The following LRPPRC variants were observed in gnomAD, a reference collection of about 807,000 sequenced individuals.
The protein encoded by LRPPRC is leucine-rich PPR motif-containing protein, mitochondrial.
LRPPRC carries 120 observed loss-of-function variants against 180.3 expected under a neutral mutation model. That is an observed-to-expected ratio of 0.67 (90% CI 0.57 to 0.77). The LOEUF (loss-of-function observed/expected upper bound fraction) is 0.77. LRPPRC is among the 30% of genes least tolerant of loss of function. The pLI is 0.00. For synonymous variants in LRPPRC, 723 were observed against 600.0 expected (o/e 1.21, Z -3.00); for missense variants, 2,012 against 1,657.2 (o/e 1.21, Z -3.72).
intron 11 of LRPPRC, among the ~76,000 whole-genome samples, chr2:43,966,416 T>C (rs534587571): frequency 6.7e-6 from 1 of 148,744 alleles, no homozygotes; most frequent in East Asian, 2.0e-4. Context: ...GCCACAATAT[T>C]TTTTTTTTTT....
At chr2:43,986,416 C>T (rs1572583012) in intron 1 of LRPPRC, among the ~76,000 whole-genome samples, 1 of 152,200 alleles carries the variant, frequency 6.6e-6, no homozygotes, top group East Asian at 1.9e-4. Flanking sequence ...AGGCATGAGC[C>T]ACCATGCCCA....
At chr2:43,965,446 C>T (rs922184566) in intron 11 of LRPPRC, among the ~76,000 whole-genome samples, 4 of 152,132 alleles carry the variant, frequency 2.6e-5, no homozygotes, top group African/African-American at 9.7e-5. Context: ...TAGAAGAAAA[C>T]ACTGGCCTTG....
chr2:43,905,664 G>A lies in LRPPRC; in HGVS notation c.3364+28C>T, dbSNP rs772867737. The A allele has an allele frequency of 4.6e-5, 69 of 1,505,096 alleles. 4 individuals are homozygous for A. In the South Asian group the frequency reaches 7.4e-4, roughly 16 times the overall value. The allele number at this position is 1,505,096 out of a possible 1,614,324, so 93.2% of individuals were successfully genotyped here. On this transcript the variant is annotated intron_variant, in intron 31 of 37. Transcript: ENST00000260665. ...GAAAAATCTGCAGAGGCATTAATGT[G>A]ACGTAAAGGTCAAGCATTGTGACAT...
Position 43,934,803 on chromosome 2 carries a change from A to G in LRPPRC, c.2580T>C (p.Asp860=). The stretch of plus-strand genomic sequence containing the variant: ...CTTTCTCTACCAGTTTACACAAGAC[A>G]TCATGAATCCTTGGTAATACTTTAT... The part of the protein sequence containing the change: ...EKYKVLPRIH[D]VLCKLVEKGE... Residue 860 remains aspartate (D), a synonymous_variant, in exon 24 of 38, where the codon GAT becomes GAC. Coordinates refer to ENST00000260665, the MANE Select transcript of LRPPRC (RefSeq NM_133259.4). The G allele has an allele frequency of 6.2e-7, 1 of 1,611,050 alleles. No homozygotes were observed. The highest frequency in any genetic ancestry group is 8.5e-7 in the Non-Finnish European group (1 of 1,177,220).
At chr2:43,934,705 A>G (rs1042279785) in intron 24 of LRPPRC, 49 bp downstream of exon 24, 1 of 1,557,354 alleles carries the variant, frequency 6.4e-7, no homozygotes, top group South Asian at 1.1e-5. Flanking sequence ...AGATTAAATC[A>G]GCAAGAAGGG....
At chr2:43,919,613 T>C (rs1572919592) in intron 27 of LRPPRC, among the ~76,000 whole-genome samples, 1 of 152,122 alleles carries the variant, frequency 6.6e-6, no homozygotes, top group African/African-American at 2.4e-5. Flanking sequence ...TCTTTACAAA[T>C]AGCAAAAACT....
chr2:43,908,539 C>CT (rs910873293), intron 30 of LRPPRC, among the ~76,000 whole-genome samples: 33 of 148,574 alleles, frequency 2.2e-4, no homozygotes, highest in Admixed American at 3.4e-4. Context: ...AAACTATGGC[C>CT]TTTTTTTTTT....
At chr2:43,927,678 C>T (rs1463811656) in intron 25 of LRPPRC, among the ~76,000 whole-genome samples, 1 of 152,208 alleles carries the variant, frequency 6.6e-6, no homozygotes, top group African/African-American at 2.4e-5. Context: ...AATATTACTG[C>T]TGATCCAAAT....
chr2:43,981,555 G>A (rs1674308027), intron 2 of LRPPRC, among the ~76,000 whole-genome samples: 1 of 151,876 alleles, frequency 6.6e-6, no homozygotes, highest in Non-Finnish European at 1.5e-5. Context: ...TACTTGGGAG[G>A]CTGAGGCAGG....
chr2:43,994,953 C>T (rs922859073), intron 1 of LRPPRC, among the ~76,000 whole-genome samples: 4 of 152,220 alleles, frequency 2.6e-5, no homozygotes, highest in Non-Finnish European at 5.9e-5. Context: ...TTCAAAGACA[C>T]TTACAGGACG....
At chr2:43,936,439 A>T (rs116018585) in intron 23 of LRPPRC, among the ~76,000 whole-genome samples, 1,925 of 152,350 alleles carry the variant, frequency 0.013, 47 homozygotes, top group African/African-American at 0.044. Flanking sequence ...ACAACTAGTG[A>T]CAATTAGTGA....
chr2:43,958,911 T>A, intron 13 of LRPPRC: 1 of 298,286 alleles, frequency 3.4e-6, no homozygotes, highest in East Asian at 5.7e-5. Context: ...CTTCTTGGCA[T>A]TTTTCTTTTT....
Position 43,973,695 on chromosome 2 carries a change from C to A in LRPPRC, c.1281G>T (p.Met427Ile). ...GAAAACCTTCCTCCTTCACAGCCTT[C>A]ATTAAGGCTTTTGCCAAATCTGAAA... ...ANKTDLAKAL[M>I]KAVKEEGFPI... The change falls in exon 11 of 38, where the codon ATG (methionine) becomes ATT (isoleucine). Residue 427 changes from methionine (M) to isoleucine (I), a missense_variant. By Grantham distance (10) the Met-to-Ile change is conservative. Coordinates refer to ENST00000260665, the MANE Select transcript of LRPPRC (RefSeq NM_133259.4). The A allele has an allele frequency of 6.2e-7, 1 of 1,612,768 alleles. No homozygotes were observed. The highest frequency in any genetic ancestry group is 8.5e-7 in the Non-Finnish European group (1 of 1,178,718).
At chr2:43,917,876 G>A (rs372782976) in intron 29 of LRPPRC, 149 bp downstream of exon 29, 9 of 623,130 alleles carry the variant, frequency 1.4e-5, no homozygotes, top group African/African-American at 7.4e-5. Flanking sequence ...AAATGTTTTC[G>A]TTAAAGTATG....
At chr2:43,962,480 G>C (rs1006773742) in intron 12 of LRPPRC, among the ~76,000 whole-genome samples, 2 of 152,176 alleles carry the variant, frequency 1.3e-5, no homozygotes, top group Non-Finnish European at 2.9e-5. Context: ...TAAACAACAT[G>C]TTCCTTATTA....
chr2:43,924,584 T>A (rs1385413572), intron 27 of LRPPRC, among the ~76,000 whole-genome samples: 1 of 152,188 alleles, frequency 6.6e-6, no homozygotes. Context: ...GAAAAATGTT[T>A]GTAATATATA....
In LRPPRC at chr2:43,975,001, G is replaced by C. The variant is rs1188717993; in HGVS notation, c.864+90C>G. 4.0e-5 allele frequency: 53 copies of C among 1,323,090 alleles called. No homozygotes were observed. The East Asian group carries it at 1.0e-3, about 25-fold the overall frequency. 82.0% of individuals were successfully genotyped at this position (1,323,090 alleles called of 1,614,324 possible). A position where few individuals can be genotyped will look rare whatever the true frequency, so the allele number is the denominator to read the frequency against. ...TGCAAGGAAACATCTTTGAAAACAG[G>C]TATAAACTTCACTTTCCTGCCTCAT... On this transcript the variant is annotated intron_variant, in intron 7 of 37. Transcript: ENST00000260665.
At chr2:43,980,534 C>G (rs1262593733) in intron 2 of LRPPRC, among the ~76,000 whole-genome samples, 4 of 94,568 alleles carry the variant, frequency 4.2e-5, no homozygotes, top group Admixed American at 1.4e-4. Context: ...GCCTAGACAA[C>G]AAGATCAAGA....
chr2:43,945,225 A>G, intron 22 of LRPPRC, 107 bp downstream of exon 22: 1 of 797,980 alleles, frequency 1.3e-6, no homozygotes, highest in Non-Finnish European at 2.2e-6. Context: ...TTCTATGCAA[A>G]GTGTTCAAGC....
Sources: gnomAD v4.1 joint callset for allele counts (sites outside exome capture counted in the v4.1 genomes callset) on GRCh38, gnomAD v4.1.1 for gene constraint, MANE v1.5 for transcripts, NCBI Gene and HGNC (gene_info 2026-07-23, HGNC 2026-07-21) for gene names.